The following TMEM165 variants were observed in gnomAD, a reference collection of about 807,000 sequenced individuals.
TMEM165 encodes putative divalent cation/proton antiporter TMEM165.
In TMEM165, 19 loss-of-function variants were observed where a neutral mutation model predicts 30.0. That is an observed-to-expected ratio of 0.63 (90% confidence interval 0.44 to 0.93). TMEM165 has a LOEUF of 0.93. Ranked by LOEUF, TMEM165 falls within the 40% of genes least tolerant of loss-of-function variation. The pLI is 0.00. For synonymous variants in TMEM165, 168 were observed against 162.9 expected (o/e 1.03, Z -0.24); for missense variants, 340 against 417.0 (o/e 0.82, Z 1.61).
intron 3 of TMEM165, among the ~76,000 whole-genome samples, chr4:55,445,582 C>CTTTGTTTTTTTTTT (rs1723748277): frequency 1.5e-5 from 1 of 68,574 alleles, no homozygotes; most frequent in Non-Finnish European, 2.7e-5. Context: ...TTTCTATATT[C>CTTTGTTTTTTTTTT]TTTTTTTTTT....
chr4:55,453,242 G>C, exon 4 of TMEM165: 1 of 885,324 alleles, frequency 1.1e-6, no homozygotes, highest in Non-Finnish European at 1.9e-6. Context: ...TAGACTATTT[G>C]CTATGTGCTA....
At chr4:55,447,363 C>CAA (rs113812191) in intron 3 of TMEM165, among the ~76,000 whole-genome samples, 50,938 of 150,270 alleles carry the variant, frequency 0.34, 9,248 homozygotes, top group East Asian at 0.58. Context: ...GGCGTCGTCT[C>CAA]AAAAAAAAAT....
chr4:55,403,345 G>T (rs1721114924), intron 1 of TMEM165: 1 of 1,247,034 alleles, frequency 8.0e-7, no homozygotes, highest in Non-Finnish European at 1.0e-6. Context: ...GCAGGTATCT[G>T]TATCAATTTC....
chr4:55,414,296 T>TA (rs35929635), intron 2 of TMEM165, among the ~76,000 whole-genome samples: 107,518 of 151,096 alleles, frequency 0.71, 40,524 homozygotes, highest in East Asian at 0.98. Flanking sequence ...ACATGAAATT[T>TA]TTAAATATTT....
chr4:55,435,916 ATT>A (rs1722842832), intron 3 of TMEM165, among the ~76,000 whole-genome samples: 1 of 152,204 alleles, frequency 6.6e-6, no homozygotes, highest in East Asian at 1.9e-4. Flanking sequence ...AAATTACAAA[ATT>A]TGAGCATAGT....
chr4:55,418,265 T>C, intron 4 of TMEM165: 1 of 310,280 alleles, frequency 3.2e-6, no homozygotes, highest in Non-Finnish European at 5.8e-6. Context: ...CTTAGCTTGG[T>C]TTTCTTATCA....
intron 1 of TMEM165, among the ~76,000 whole-genome samples, chr4:55,408,133 T>TA (rs796104709): frequency 6.6e-6 from 1 of 152,176 alleles, no homozygotes; most frequent in Admixed American, 6.5e-5. Context: ...ATATTTTAAT[T>TA]AAAAAAGATC....
intron 2 of TMEM165, 163 bp downstream of exon 2, chr4:55,412,002 C>G: frequency 1.5e-6 from 1 of 684,458 alleles, no homozygotes; most frequent in Non-Finnish European, 2.5e-6. Flanking sequence ...TGTGTATCCT[C>G]TAAAATAATT....
rs945226333 is a variant in TMEM165, at chr4:55,426,054, A to G, written c.*602A>G. The stretch of plus-strand genomic sequence containing the variant: ...AGGACACCCAATATAAAAACAGTCA[A>G]TATTTGACAATGTGGAATTACCAAA... On this transcript the variant is annotated 3_prime_UTR_variant, in exon 6 of 6. Transcript: ENST00000381334. The G allele has an allele frequency of 1.3e-5, 2 of 152,118 alleles. No homozygotes were observed. The highest frequency in any genetic ancestry group is 2.9e-5 in the Non-Finnish European group (2 of 68,016). The allele number at this position is 152,118 out of a possible 1,614,324, so 9.4% of individuals were successfully genotyped here.
chr4:55,407,020 C>T (rs998093254), intron 1 of TMEM165, among the ~76,000 whole-genome samples: 15 of 152,248 alleles, frequency 9.9e-5, no homozygotes, highest in Non-Finnish European at 1.3e-4. Context: ...ATTTGTAATC[C>T]GAAAAGGTCA....
intron 3 of TMEM165, chr4:55,448,756 C>T (rs1379317443): frequency 6.3e-7 from 1 of 1,592,712 alleles, no homozygotes; most frequent in African/African-American, 1.3e-5. Flanking sequence ...AAATACGCAA[C>T]TGAAACAAAA....
At chr4:55,406,162 A>G (rs1721258423) in intron 1 of TMEM165, among the ~76,000 whole-genome samples, 1 of 152,206 alleles carries the variant, frequency 6.6e-6, no homozygotes, top group Non-Finnish European at 1.5e-5. Flanking sequence ...CAGGTAGTGA[A>G]TGAGTAAATA....
chr4:55,433,293 T>TA (rs1380178526), intron 3 of TMEM165: 1 of 152,644 alleles, frequency 6.6e-6, no homozygotes, highest in Admixed American at 6.5e-5. Flanking sequence ...AGCTCCTTGA[T>TA]ATGTTAATTA....
rs771316427 is a variant in TMEM165, at chr4:55,411,773, C to A, written c.367C>A (p.Arg123Ser). The change falls in exon 2 of 6, where the codon CGC becomes AGC. Residue 123 changes from arginine to serine, a missense_variant. This residue lies in a region of TMEM165 where 220 missense variants were observed against 307.6 expected (regional missense o/e 0.72). Transcript: ENST00000381334. ...TFFIAAIMAM[R>S]YNRLTVLAGA... ...TTTTATAGCAGCCATCATGGCAATG[C>A]GCTATAACCGCCTGACCGTGCTGGC... 2 of 1,614,138 alleles carry A rather than the reference C, an allele frequency of 1.2e-6. No individual in the cohort carries two copies. Among genetic ancestry groups the A allele is most frequent in the East Asian group, 2.2e-5 (1 of 44,882 alleles).
chr4:55,440,162 A>G (rs1723242438), intron 3 of TMEM165, among the ~76,000 whole-genome samples: 1 of 152,178 alleles, frequency 6.6e-6, no homozygotes, highest in Admixed American at 6.5e-5. Flanking sequence ...TGTATTTTTT[A>G]AACTCTAGGT....
chr4:55,432,667 T>G lies in TMEM165; in HGVS notation c.408+8024T>G, dbSNP rs1722599433. 2.0e-5 allele frequency: 3 copies of G among 151,460 alleles called. No individual in the cohort carries two copies. In the South Asian group the frequency reaches 6.3e-4, roughly 32 times the overall value. The allele number at this position is 151,460 out of a possible 1,614,324, so 9.4% of individuals were successfully genotyped here. A position where few individuals can be genotyped will look rare whatever the true frequency, so the allele number is the denominator to read the frequency against. Reference sequence around the variant, plus strand: ...GCTTTGCAACCCAAATTTAAGAGAATCAGGAGGAAAACAAAGCAGCAAAGA... The same window carrying G: ...GCTTTGCAACCCAAATTTAAGAGAAGCAGGAGGAAAACAAAGCAGCAAAGA... On this transcript the variant is annotated intron_variant, in intron 3 of 3. Coordinates refer to the TMEM165 transcript ENST00000608091.
chr4:55,424,696 A>G (rs1442416249), intron 5 of TMEM165, 53 bp downstream of exon 5: 2 of 1,179,380 alleles, frequency 1.7e-6, no homozygotes, highest in South Asian at 1.2e-5. Flanking sequence ...CTGAGAGATT[A>G]AAGGGTGTTA....
At chr4:55,438,409 T>G in intron 3 of TMEM165, 1 of 1,613,962 alleles carries the variant, frequency 6.2e-7, no homozygotes, top group Non-Finnish European at 8.5e-7. Context: ...TGACTGTTGC[T>G]GTTGTGTAGC....
At chr4:55,400,445 A>AAT (rs927238140) in intron 1 of TMEM165, among the ~76,000 whole-genome samples, 38 of 135,726 alleles carry the variant, frequency 2.8e-4, no homozygotes, top group Non-Finnish European at 4.8e-4. Context: ...TAATATATAT[A>AAT]ATATATATAT....
Sources: gnomAD v4.1 joint callset for allele counts (sites outside exome capture counted in the v4.1 genomes callset) on GRCh38, gnomAD v4.1.1 for gene constraint, gnomAD v4.1.1 regional missense constraint, MANE v1.5 for transcripts, NCBI Gene and HGNC (gene_info 2026-07-23, HGNC 2026-07-21) for gene names.